HOOK2: variants seen among roughly 807,000 people sequenced by gnomAD.
HOOK2 encodes the protein hook microtubule tethering protein 2, also known as protein Hook homolog 2.
A neutral mutation model predicts 111.9 loss-of-function variants in HOOK2; 108 were observed. The ratio of observed to expected loss-of-function variants is 0.96; its 90% CI spans 0.83 to 1.13. The LOEUF (loss-of-function observed/expected upper bound fraction) is 1.13. HOOK2 is among the 50% of genes most tolerant of loss of function. The pLI, the probability that HOOK2 is intolerant of heterozygous loss-of-function variation, is 0.00. For missense variants in HOOK2, 978 were observed against 951.3 expected, an observed-to-expected ratio of 1.03 and a Z score of -0.37; for synonymous variants, 405 against 394.3, an observed-to-expected ratio of 1.03 and a Z score of -0.32.
intron 20 of HOOK2, 112 bp downstream of exon 20, chr19:12,764,702 G>T: frequency 1.2e-6 from 1 of 812,858 alleles, no homozygotes; most frequent in Non-Finnish European, 2.0e-6. Flanking sequence ...GGTGGGGTAT[G>T]ACAGGTATGA....
intron 14 of HOOK2, among the ~76,000 whole-genome samples, chr19:12,766,879 G>T (rs1000203641): frequency 6.6e-6 from 1 of 152,082 alleles, no homozygotes; most frequent in Non-Finnish European, 1.5e-5. Flanking sequence ...CACCGCGCCC[G>T]GTCGTTTTTC....
chr19:12,774,742 C>T lies in HOOK2; in HGVS notation c.132-1G>A. 1 of 1,614,070 alleles carries T rather than the reference C, an allele frequency of 6.2e-7. No homozygotes were observed. The highest frequency in any genetic ancestry group is 8.5e-7 in the Non-Finnish European group (1 of 1,179,958). ...TGCCTCGTTGAACCAGGAGGGGTCT[C>T]TGGGGGCGAGAAGGTGGGATGAGCA... On this transcript the variant is annotated splice_acceptor_variant, in intron 2 of 22. Coordinates refer to ENST00000397668, the MANE Select transcript of HOOK2 (RefSeq NM_013312.3). LOFTEE classifies it high-confidence loss of function.
In HOOK2 at chr19:12,766,229, A is replaced by G. The variant is rs1968141433; in HGVS notation, c.1385T>C (p.Leu462Pro). ...CCGCTTGTTCTCCAGCTGAAGCCGC[A>G]GGAGCGTCTCCCTGCAGACCCGGGA... ...ILPAELRETL[L>P]RLQLENKRLC... Residue 462 changes from leucine (L) to proline (P), a missense_variant, in exon 15 of 23, where the codon CTG (leucine) becomes CCG (proline). Physicochemically the swap from Leu to Pro is moderately conservative, Grantham distance 98. Around this residue, in one of 5 missense-constraint regions of HOOK2, gnomAD observed 388 missense variants for 358.3 expected, o/e 1.08. Coordinates refer to ENST00000397668, the MANE Select transcript of HOOK2 (RefSeq NM_013312.3). 1.3e-6 allele frequency: 2 copies of G among 1,583,666 alleles called. No individual in the cohort carries two copies. Among genetic ancestry groups the G allele is most frequent in the African/African-American group, 2.7e-5 (2 of 74,462 alleles).
In HOOK2 at chr19:12,770,920, C is replaced by A; in HGVS notation, c.902+12G>T. ...GCCCCCCGTGATGGGGACCCAGGAA[C>A]CCACCACTCACCGTAGTTCATCCAT... is the stretch of plus-strand genomic sequence containing the variant. On this transcript the variant is annotated intron_variant, in intron 10 of 22. Transcript: ENST00000397668. 1.9e-6 allele frequency: 3 copies of A among 1,588,816 alleles called. No individual in the cohort carries two copies. Among genetic ancestry groups the A allele is most frequent in the Non-Finnish European group, 1.7e-6 (2 of 1,161,588 alleles).
chr19:12,782,270 TTGTC>T (rs1195810608), upstream of HOOK2, among the ~76,000 whole-genome samples: 2 of 152,234 alleles, frequency 1.3e-5, no homozygotes, highest in Non-Finnish European at 2.9e-5. Flanking sequence ...GCCTGTGTGA[TTGTC>T]TGCGTCTCCA....
In HOOK2 at chr19:12,766,442, T is replaced by TG. The variant is rs1006269322; in HGVS notation, c.1374-203dup. Reference sequence around the variant, plus strand: ...TGGACGGAGCTCTAAGCTGGGATAGTGGGTGGGGCTAGGCAGGGGCGGAGC... The same window carrying TG: ...TGGACGGAGCTCTAAGCTGGGATAGTGGGGTGGGGCTAGGCAGGGGCGGAGC... On this transcript the variant is annotated intron_variant, in intron 14 of 22. Transcript: ENST00000397668. 6 of 597,468 alleles carry TG rather than the reference T, an allele frequency of 1.0e-5. No individual in the cohort carries two copies. In the African/African-American group the frequency reaches 1.1e-4, roughly 11 times the overall value. The allele number at this position is 597,468 out of a possible 1,614,324, so 37.0% of individuals were successfully genotyped here.
chr19:12,783,547 C>G (rs994955233), intron 3 of HOOK2, among the ~76,000 whole-genome samples: 1 of 151,864 alleles, frequency 6.6e-6, no homozygotes, highest in African/African-American at 2.4e-5. Flanking sequence ...TACTCCACCC[C>G]ACATGTACCA....
chr19:12,771,784 A>T (rs1237831456), intron 7 of HOOK2: 1 of 377,854 alleles, frequency 2.6e-6, no homozygotes, highest in Non-Finnish European at 4.9e-6. Context: ...CGGGAGGCTG[A>T]GGCAGGAGAA....
Position 12,772,651 on chromosome 19 carries a change from C to A in HOOK2, c.418G>T (p.Glu140Ter). 6.2e-7 allele frequency: 1 copy of A among 1,614,236 alleles called. No homozygotes were observed. Among genetic ancestry groups the A allele is most frequent in the Non-Finnish European group, 8.5e-7 (1 of 1,180,028 alleles). The change falls in exon 6 of 23, where the codon GAA (glutamate) becomes TAA (stop). Residue 140 changes from glutamate to a stop codon, truncating the protein, a stop_gained. Transcript: ENST00000397668. LOFTEE classifies it high-confidence loss of function. ...TCCATCACCACATGCTGAACCGATTCTTCCAGCGTCATGATTCTCTGGATG... is the reference window on the plus strand; with the variant it reads ...TCCATCACCACATGCTGAACCGATTATTCCAGCGTCATGATTCTCTGGATG... ...DHIQRIMTLEESVQHVVMEAI... is the reference protein window; with the variant it reads ...DHIQRIMTLE
chr19:12,771,553 G>T, intron 7 of HOOK2, 76 bp from the exon 8 acceptor site: 2 of 1,245,324 alleles, frequency 1.6e-6, no homozygotes, highest in Non-Finnish European at 2.3e-6. Flanking sequence ...ATCTCTAGAG[G>T]CCAAATGGAG....
In HOOK2 at chr19:12,768,110, T is replaced by C; in HGVS notation, c.1118A>G (p.Gln373Arg). 1 of 1,614,080 alleles carries C rather than the reference T, an allele frequency of 6.2e-7. No homozygotes were observed. ...CATGGCCTCCTCCTGCCGCTGGCCC[T>C]GCAGTTCCTGCACCTGAACACAGAG... ...EAQRRQVQELQGQRQEEAMKA... is the reference protein window; with the variant it reads ...EAQRRQVQELRGQRQEEAMKA... The change falls in exon 12 of 23, where the codon CAG (glutamine) becomes CGG (arginine). Residue 373 changes from glutamine to arginine, a missense_variant. Transcript: ENST00000397668.
upstream of HOOK2, among the ~76,000 whole-genome samples, chr19:12,781,973 G>A (rs1968607166): frequency 6.6e-6 from 1 of 151,732 alleles, no homozygotes; most frequent in Non-Finnish European, 1.5e-5. Context: ...CACATACCTG[G>A]GACTATAGAC....
intron 18 of HOOK2, 69 bp downstream of exon 18, chr19:12,765,621 T>C (rs1488831706): frequency 1.3e-6 from 2 of 1,580,222 alleles, no homozygotes; most frequent in African/African-American, 2.7e-5. Flanking sequence ...TGGTGGCACA[T>C]GCCTAAGAAA....
At chr19:12,773,514 T>C (rs1389776288) in intron 3 of HOOK2, among the ~76,000 whole-genome samples, 4 of 152,038 alleles carry the variant, frequency 2.6e-5, no homozygotes, top group Non-Finnish European at 5.9e-5. Flanking sequence ...CTAAAATTGC[T>C]GGGATTACAG....
chr19:12,767,828 AC>A lies in HOOK2; in HGVS notation c.1290del (p.Leu431Ter). ...ELRCAQLQPR[G>X]LTQADPSLDP... ...GGCTTCATCTCACCGGCCTGGGTCA[AC>A]CCCCGCGGCTGCAGCTGGGCGCAGC... On this transcript the variant is annotated frameshift_variant, in exon 13 of 23. Coordinates refer to ENST00000397668, the MANE Select transcript of HOOK2 (RefSeq NM_013312.3). LOFTEE classifies it high-confidence loss of function. 5 of 1,602,616 alleles carry A rather than the reference AC, an allele frequency of 3.1e-6. No individual in the cohort carries two copies. The highest frequency in any genetic ancestry group is 4.2e-6 in the Non-Finnish European group (5 of 1,179,842).
intron 1 of HOOK2, 69 bp from the exon 2 acceptor site, chr19:12,774,966 G>A (rs1968451883): frequency 1.4e-6 from 2 of 1,439,916 alleles, no homozygotes; most frequent in Non-Finnish European, 9.5e-7. Flanking sequence ...CCCTTTTGCA[G>A]ACTTTTCCAG....
At chr19:12,776,422 C>T (rs1229471106), upstream of HOOK2, among the ~76,000 whole-genome samples, 2 of 151,768 alleles carry the variant, frequency 1.3e-5, no homozygotes, top group Non-Finnish European at 2.9e-5. Context: ...TGGCTCACGC[C>T]TGTAATCCCA....
intron 7 of HOOK2, 47 bp from the exon 8 acceptor site, chr19:12,771,524 C>CG (rs1310789695): frequency 3.9e-6 from 6 of 1,522,286 alleles, no homozygotes; most frequent in Non-Finnish European, 5.4e-6. Context: ...AGGAGAAGGA[C>CG]GGGGGGAGGG....
rs1276030092 is a variant in HOOK2, at chr19:12,765,014, G to A, written c.1708C>T (p.Pro570Ser). 6.2e-7 allele frequency: 1 copy of A among 1,614,134 alleles called. No individual in the cohort carries two copies. Among genetic ancestry groups the A allele is most frequent in the Non-Finnish European group, 8.5e-7 (1 of 1,179,998 alleles). ...TCCTACTTACTGCTGCTGTCAGTGG[G>A]TGGCTCCAGCTCCTCAATGTACTCC... ...KREYIEELEP[P>S]TDSSTARRIE... is the part of the protein sequence containing the mutation. The change falls in exon 19 of 23, where the codon CCC (proline) becomes TCC (serine). Residue 570 changes from proline to serine, a missense_variant. Pro to Ser is a moderately conservative substitution (Grantham distance 74). Around this residue, in one of 5 missense-constraint regions of HOOK2, gnomAD observed 277 missense variants for 265.8 expected, o/e 1.04. Coordinates refer to ENST00000397668, the MANE Select transcript of HOOK2 (RefSeq NM_013312.3).
Sources: allele counts gnomAD v4.1 joint callset (sites outside exome capture counted in the v4.1 genomes callset), GRCh38; gene constraint gnomAD v4.1.1; regional missense constraint gnomAD v4.1.1; transcripts MANE v1.5; gene names NCBI Gene and HGNC (gene_info 2026-07-23, HGNC 2026-07-21).